ST7: variants seen among roughly 807,000 people sequenced by gnomAD.
ST7 encodes the protein suppressor of tumorigenicity 7 protein.
ST7 carries 28 observed loss-of-function variants against 78.7 expected under a neutral mutation model. That is an observed-to-expected ratio of 0.36 (90% confidence interval 0.26 to 0.49). The LOEUF (loss-of-function observed/expected upper bound fraction) is 0.49. ST7 is among the 20% of genes least tolerant of loss of function. ST7 has a pLI of 0.99. For missense variants in ST7, 418 were observed against 696.0 expected, an observed-to-expected ratio of 0.60 and a Z score of 4.49; for synonymous variants, 247 against 249.6, an observed-to-expected ratio of 0.99 and a Z score of 0.10.
intron 14 of ST7, among the ~76,000 whole-genome samples, chr7:117,220,491 T>C (rs994586868): frequency 1.3e-5 from 2 of 152,212 alleles, no homozygotes; most frequent in Non-Finnish European, 2.9e-5. Flanking sequence ...TTCTGAAAAG[T>C]ACAGTATTTT....
intron 13 of ST7, among the ~76,000 whole-genome samples, chr7:117,215,273 G>A (rs1410090821): frequency 2.0e-5 from 3 of 152,050 alleles, no homozygotes; most frequent in African/African-American, 7.2e-5. Flanking sequence ...GATGGCCTTC[G>A]TGGCTGGTTA....
intron 1 of ST7, among the ~76,000 whole-genome samples, chr7:117,096,054 C>T (rs546057386): frequency 2.9e-4 from 31 of 107,770 alleles, no homozygotes; most frequent in African/African-American, 9.3e-4. Context: ...GGCAACAGAG[C>T]GAGATTCTGC....
At chr7:117,145,107 T>C (rs764806332) in intron 9 of ST7, among the ~76,000 whole-genome samples, 8 of 151,948 alleles carry the variant, frequency 5.3e-5, no homozygotes, top group Non-Finnish European at 8.8e-5. Context: ...CTTGAGAGGC[T>C]GAAGCAGGAA....
chr7:116,987,945 T>G (rs1794257014), intron 1 of ST7, among the ~76,000 whole-genome samples: 1 of 152,240 alleles, frequency 6.6e-6, no homozygotes, highest in African/African-American at 2.4e-5. Flanking sequence ...CAGGCTGATC[T>G]CGAACTCCTG....
At chr7:116,966,678 A>C (rs925005695) in intron 1 of ST7, among the ~76,000 whole-genome samples, 5 of 152,258 alleles carry the variant, frequency 3.3e-5, no homozygotes, top group Non-Finnish European at 7.3e-5. Context: ...GCAGCTAGAC[A>C]GGCAATGTCA....
At chr7:117,199,064 A>G (rs1183884178) in intron 12 of ST7, 2 of 152,126 alleles carry the variant, frequency 1.3e-5, no homozygotes, top group African/African-American at 2.4e-5. Context: ...TATTTGCTTC[A>G]TTCCCAGGGG....
Position 117,129,847 on chromosome 7 carries a change from G to A in ST7, c.449G>A (p.Arg150Gln), listed in dbSNP as rs749863830. Residue 150 changes from arginine (R) to glutamine (Q), a missense_variant and splice_region_variant, in exon 4 of 16, where the codon CGG becomes CAG. Arg to Gln is a conservative substitution (Grantham distance 43, BLOSUM62 1). Transcript: ENST00000323984. ...TTATTTAGGGGTGCTGAATACAATC[G>A]GTAAGCATTTTGACAGCTTGGGAAA... is the stretch of plus-strand genomic sequence containing the variant. ...LNLFRGAEYN[R>Q]YTWVTGREPL... 2 of 1,608,406 alleles carry A rather than the reference G, an allele frequency of 1.2e-6. No individual in the cohort carries two copies. Among genetic ancestry groups the A allele is most frequent in the Non-Finnish European group, 1.7e-6 (2 of 1,177,308 alleles).
At chr7:117,047,414 T>C (rs1797546544) in intron 1 of ST7, among the ~76,000 whole-genome samples, 1 of 152,202 alleles carries the variant, frequency 6.6e-6, no homozygotes, top group Non-Finnish European at 1.5e-5. Context: ...ATAGAGCATT[T>C]GATTGTAAGA....
In ST7 at chr7:117,189,321, A is replaced by G; in HGVS notation, c.1079A>G (p.Asp360Gly). 1 of 1,607,464 alleles carries G rather than the reference A, an allele frequency of 6.2e-7. No individual in the cohort carries two copies. The highest frequency in any genetic ancestry group is 1.1e-5 in the South Asian group (1 of 89,868). Residue 360 changes from aspartate to glycine, a missense_variant and splice_region_variant, in exon 11 of 16, where the codon GAT becomes GGT. Asp to Gly is a moderately conservative substitution (Grantham distance 94). This residue lies in a region of ST7 where 288 missense variants were observed against 537.1 expected (regional missense o/e 0.54). Coordinates refer to ENST00000323984, the MANE Select transcript of ST7 (RefSeq NM_001369598.1). The part of the protein sequence containing the change: ...DVQAVLAKYD[D>G]ISLPKSATIC... ...TTCCTACTTTCTTTTTCTCCAACAG[A>G]TATAAGCTTACCAAAGTCAGCAACA...
chr7:116,975,575 T>C (rs767116741), intron 1 of ST7, among the ~76,000 whole-genome samples: 1 of 151,982 alleles, frequency 6.6e-6, no homozygotes, highest in Non-Finnish European at 1.5e-5. Flanking sequence ...ACCTGGCTCA[T>C]TTTTGTATTT....
intron 1 of ST7, among the ~76,000 whole-genome samples, chr7:117,033,797 A>C (rs1349515764): frequency 2.6e-5 from 4 of 152,098 alleles, no homozygotes; most frequent in Non-Finnish European, 2.9e-5. Flanking sequence ...CATGCTCTGG[A>C]GTCAGTCAAT....
intron 1 of ST7, among the ~76,000 whole-genome samples, chr7:117,087,101 T>C (rs1800209578): frequency 6.6e-6 from 1 of 152,180 alleles, no homozygotes; most frequent in Non-Finnish European, 1.5e-5. Context: ...CATTGAACTG[T>C]TAGAGAATAT....
rs1448467303 is a variant in ST7, at chr7:117,145,835, AG to A, written c.963+7305del. On this transcript the variant is annotated intron_variant, in intron 9 of 15. Coordinates refer to ENST00000323984, the MANE Select transcript of ST7 (RefSeq NM_001369598.1). ...TCTTCTAAAACTTCACTGCTATATCAGGTCAGCTAAAAACATGTTTTGTATG... is the reference window on the plus strand; with the variant it reads ...TCTTCTAAAACTTCACTGCTATATCAGTCAGCTAAAAACATGTTTTGTATG... 2.6e-5 allele frequency among the ~76,000 whole-genome samples: 4 copies of A among 152,302 alleles called. No individual in the cohort carries two copies. The East Asian group carries it at 7.7e-4, about 29-fold the overall frequency.
chr7:117,029,440 T>G (rs1270690743), intron 1 of ST7, among the ~76,000 whole-genome samples: 3 of 152,178 alleles, frequency 2.0e-5, no homozygotes, highest in Non-Finnish European at 4.4e-5. Context: ...AATGAGGTTG[T>G]CTTCTTATTA....
intron 1 of ST7, chr7:116,959,691 T>C (rs1463496902): frequency 6.6e-6 from 1 of 152,326 alleles, no homozygotes; most frequent in African/African-American, 2.4e-5. Flanking sequence ...TTTATGAATA[T>C]ATAAAAGGAC....
At chr7:116,996,313 A>G (rs1262937213) in intron 1 of ST7, among the ~76,000 whole-genome samples, 1 of 152,056 alleles carries the variant, frequency 6.6e-6, no homozygotes, top group Non-Finnish European at 1.5e-5. Flanking sequence ...TCCTGACCTC[A>G]TGATCCACCC....
intron 9 of ST7, among the ~76,000 whole-genome samples, chr7:117,149,592 C>CTT (rs59067333): frequency 2.3e-3 from 192 of 83,944 alleles, no homozygotes; most frequent in Admixed American, 3.7e-3. Flanking sequence ...CGTGTCCTAC[C>CTT]TTTTTTTTTT....
intron 12 of ST7, among the ~76,000 whole-genome samples, chr7:117,195,965 T>C (rs2117438998): frequency 6.6e-6 from 1 of 152,344 alleles, no homozygotes; most frequent in South Asian, 2.1e-4. Context: ...TCTCTGCTTC[T>C]GTGAATTTGA....
intron 1 of ST7, among the ~76,000 whole-genome samples, chr7:116,990,444 C>T (rs974315497): frequency 2.6e-5 from 4 of 151,882 alleles, no homozygotes; most frequent in African/African-American, 4.8e-5. Flanking sequence ...TTGTTTTGTT[C>T]TGTTGTATGC....
Sources: gnomAD v4.1 joint callset for allele counts (sites outside exome capture counted in the v4.1 genomes callset) on GRCh38, gnomAD v4.1.1 for gene constraint, gnomAD v4.1.1 regional missense constraint, MANE v1.5 for transcripts, NCBI Gene and HGNC (gene_info 2026-07-23, HGNC 2026-07-21) for gene names.